Variants in COL23A1 observed in about 807,000 individuals in gnomAD.
COL23A1 encodes collagen type XXIII alpha 1 chain, also known as collagen alpha-1(XXIII) chain.
A neutral mutation model predicts 99.3 loss-of-function variants in COL23A1; 97 were observed. The observed-to-expected ratio is 0.98, with a 90% CI of 0.83 to 1.16. COL23A1 has a LOEUF of 1.16. COL23A1 is among the 50% of genes most tolerant of loss of function. COL23A1 has a pLI of 0.00. For missense variants in COL23A1, 762 were observed against 757.4 expected, an observed-to-expected ratio of 1.01 and a Z score of -0.07; for synonymous variants, 320 against 308.2, an observed-to-expected ratio of 1.04 and a Z score of -0.40.
intron 2 of COL23A1, among the ~76,000 whole-genome samples, chr5:178,460,774 A>C (rs1471668808): frequency 6.6e-6 from 1 of 152,122 alleles, no homozygotes; most frequent in Non-Finnish European, 1.5e-5. Context: ...TCCACATTTT[A>C]TAAAAGGTCT....
intron 2 of COL23A1, among the ~76,000 whole-genome samples, chr5:178,502,914 G>T (rs1031207836): frequency 2.6e-5 from 4 of 152,204 alleles, no homozygotes; most frequent in Non-Finnish European, 4.4e-5. Context: ...CAGTGTGACA[G>T]CACAGCACCA....
At chr5:178,342,964 T>G (rs1220959237) in intron 2 of COL23A1, among the ~76,000 whole-genome samples, 1 of 152,168 alleles carries the variant, frequency 6.6e-6, no homozygotes, top group African/African-American at 2.4e-5. Flanking sequence ...AACCACACTT[T>G]CCAACAACCA....
At chr5:178,475,046 A>G (rs1475970560) in intron 2 of COL23A1, among the ~76,000 whole-genome samples, 1 of 152,158 alleles carries the variant, frequency 6.6e-6, no homozygotes, top group African/African-American at 2.4e-5. Context: ...CTGCCTTCAC[A>G]GTCACATGGC....
intron 2 of COL23A1, among the ~76,000 whole-genome samples, chr5:178,524,518 A>T (rs1444773826): frequency 6.6e-6 from 1 of 152,184 alleles, no homozygotes; most frequent in African/African-American, 2.4e-5. Flanking sequence ...TGGGGGATGG[A>T]TGTATCCAGA....
chr5:178,374,697 C>T (rs552902493), intron 2 of COL23A1, among the ~76,000 whole-genome samples: 1 of 152,312 alleles, frequency 6.6e-6, no homozygotes, highest in African/African-American at 2.4e-5. Context: ...GCTAGGATGG[C>T]TGCAATCAAA....
intron 2 of COL23A1, among the ~76,000 whole-genome samples, chr5:178,369,699 T>C (rs1465264754): frequency 6.6e-6 from 1 of 152,148 alleles, no homozygotes; most frequent in Non-Finnish European, 1.5e-5. Context: ...CTGCCATCCA[T>C]GTAAGATGTG....
chr5:178,266,879 C>T (rs1755934313), intron 8 of COL23A1, among the ~76,000 whole-genome samples: 1 of 152,258 alleles, frequency 6.6e-6, no homozygotes, highest in Admixed American at 6.5e-5. Context: ...CCCCCATTCA[C>T]AGTTGAAGAA....
intron 16 of COL23A1, among the ~76,000 whole-genome samples, chr5:178,254,399 C>T (rs1229157770): frequency 6.6e-6 from 1 of 152,226 alleles, no homozygotes; most frequent in Non-Finnish European, 1.5e-5. Context: ...GGGGCCAGGG[C>T]CCCCTTCCCA....
At chr5:178,358,479 GTATA>G (rs535866305) in intron 2 of COL23A1, among the ~76,000 whole-genome samples, 3 of 142,880 alleles carry the variant, frequency 2.1e-5, no homozygotes, top group Non-Finnish European at 4.6e-5. Context: ...GTGCGTATGC[GTATA>G]TATGTGTGTG....
At chr5:178,485,798 A>AC (rs34917724) in intron 2 of COL23A1, among the ~76,000 whole-genome samples, 51 of 144,722 alleles carry the variant, frequency 3.5e-4, no homozygotes, top group African/African-American at 1.3e-3. Flanking sequence ...AAAAAAAAAA[A>AC]CACAGAAATG....
At chr5:178,423,467 A>G (rs1561958819) in intron 2 of COL23A1, among the ~76,000 whole-genome samples, 1 of 152,160 alleles carries the variant, frequency 6.6e-6, no homozygotes. Flanking sequence ...ATTATGAGAT[A>G]CGCTTTGTGC....
Position 178,589,782 on chromosome 5 carries a change from C to A in COL23A1, c.294+122G>T. On this transcript the variant is annotated intron_variant, in intron 1 of 28. Transcript: ENST00000390654. The surrounding 1 kb of genome is among the most constrained non-coding windows in gnomAD (Gnocchi z 5.4). ...TGCCCATCTCTGGGACGGCCCCGAG[C>A]GCACGCAGCCGGCGGGCGACCCTCC... The A allele has an allele frequency of 1.0e-6, 1 of 988,252 alleles. No individual in the cohort carries two copies. Among genetic ancestry groups the A allele is most frequent in the Middle Eastern group, 3.8e-4 (1 of 2,664 alleles). The allele number at this position is 988,252 out of a possible 1,614,324, so 61.2% of individuals were successfully genotyped here.
At position 178,238,445 on chromosome 5, in the gene COL23A1, C is replaced by T; in HGVS notation, c.*253G>A. 1 of 552,998 alleles carries T rather than the reference C, an allele frequency of 1.8e-6. No individual in the cohort carries two copies. Among genetic ancestry groups the T allele is most frequent in the Non-Finnish European group, 3.2e-6 (1 of 309,936 alleles). The allele number at this position is 552,998 out of a possible 1,614,324, so 34.3% of individuals were successfully genotyped here. ...CTAGCCTTGCCCGAGCCAGGTGCTT[C>T]TACCTTCATCTCCTTCCTGGGAAAG... On this transcript the variant is annotated 3_prime_UTR_variant, in exon 29 of 29. Coordinates refer to ENST00000390654, the MANE Select transcript of COL23A1 (RefSeq NM_173465.4).
intron 5 of COL23A1, among the ~76,000 whole-genome samples, chr5:178,272,084 G>A (rs1460778609): frequency 1.3e-5 from 2 of 152,198 alleles, no homozygotes; most frequent in African/African-American, 2.4e-5. Flanking sequence ...TGTCCGTCCC[G>A]AGCTCTCTGG....
At chr5:178,479,100 C>CATGATGATG (rs34923189) in intron 2 of COL23A1, among the ~76,000 whole-genome samples, 3 of 151,044 alleles carry the variant, frequency 2.0e-5, no homozygotes, top group Non-Finnish European at 3.0e-5. Context: ...GGATCACCCT[C>CATGATGATG]ATGATGATGA....
At chr5:178,277,440 C>T (rs1292150792) in intron 5 of COL23A1, among the ~76,000 whole-genome samples, 1 of 152,252 alleles carries the variant, frequency 6.6e-6, no homozygotes, top group Non-Finnish European at 1.5e-5. Context: ...TTTACATAAA[C>T]GTCCAGAGTT....
intron 17 of COL23A1, among the ~76,000 whole-genome samples, chr5:178,251,820 CCCAATGTTTAGCTT>C: frequency 6.6e-6 from 1 of 152,190 alleles, no homozygotes; most frequent in Admixed American, 6.5e-5. Context: ...TCTGTGTGTA[CCCAATGTTTAGCTT>C]CCACTTTTAA....
At chr5:178,297,581 G>T (rs895496806) in intron 3 of COL23A1, among the ~76,000 whole-genome samples, 1 of 152,152 alleles carries the variant, frequency 6.6e-6, no homozygotes, top group Non-Finnish European at 1.5e-5. Context: ...TCCCCCATTG[G>T]TTTCTATCAT....
intron 2 of COL23A1, among the ~76,000 whole-genome samples, chr5:178,407,582 T>C (rs769201118): frequency 1.3e-5 from 2 of 148,422 alleles, no homozygotes; most frequent in Non-Finnish European, 1.5e-5. Context: ...TGAGCAATTA[T>C]GAACACACCT....
Sources: allele counts gnomAD v4.1 joint callset (sites outside exome capture counted in the v4.1 genomes callset), GRCh38; gene constraint gnomAD v4.1.1; non-coding constraint Gnocchi (gnomAD v3.1); transcripts MANE v1.5; gene names NCBI Gene and HGNC (gene_info 2026-07-23, HGNC 2026-07-21).